Variants in SLC41A3 observed in about 807,000 individuals in gnomAD.
SLC41A3 encodes solute carrier family 41 member 3.
Under a neutral mutation model 45.4 loss-of-function variants are expected in SLC41A3, and 44 were observed. The observed-to-expected ratio is 0.97, with a 90% CI of 0.76 to 1.25. SLC41A3 has a LOEUF of 1.25. SLC41A3 is among the 50% of genes most tolerant of loss of function. The pLI, the probability that SLC41A3 is intolerant of heterozygous loss-of-function variation, is 0.00. For missense variants in SLC41A3, 550 were observed against 600.6 expected (o/e 0.92, Z 0.88); for synonymous variants, 256 against 252.4 (o/e 1.01, Z -0.13).
chr3:126,100,911 T>C (rs575408725), intron 1 of SLC41A3, among the ~76,000 whole-genome samples: 13 of 152,374 alleles, frequency 8.5e-5, no homozygotes, highest in African/African-American at 2.6e-4. Context: ...TTGTTTATTA[T>C]ACTTCTAAAC....
chr3:126,058,604 C>G (rs1391593238), intron 2 of SLC41A3, among the ~76,000 whole-genome samples: 1 of 152,202 alleles, frequency 6.6e-6, no homozygotes, highest in African/African-American at 2.4e-5. Flanking sequence ...TTCACCACGG[C>G]CCTTTGTCCC....
At chr3:126,013,832 A>G (rs1939977087) in intron 8 of SLC41A3, among the ~76,000 whole-genome samples, 1 of 152,198 alleles carries the variant, frequency 6.6e-6, no homozygotes, top group Non-Finnish European at 1.5e-5. Flanking sequence ...TAGGGGAAAC[A>G]GGACGAGCGG....
At chr3:126,067,339 T>A (rs1467194772) in intron 2 of SLC41A3, 1 of 158,144 alleles carries the variant, frequency 6.3e-6, no homozygotes, top group Non-Finnish European at 1.4e-5. Context: ...TAACACCCAG[T>A]ACCTCAGAAT....
At position 126,060,439 on chromosome 3, in the gene SLC41A3, T is replaced by TACAC. The variant is rs60317078; in HGVS notation, c.273+7504_273+7507dup. Among the ~76,000 whole-genome samples, 10 of 146,322 alleles carry TACAC rather than the reference T, an allele frequency of 6.8e-5. No individual in the cohort carries two copies. In the South Asian group the frequency reaches 1.1e-3, roughly 16 times the overall value. ...TGTCTCAAAAAAAAAGTGAGAAGGA[T>TACAC]ACACACACACACACACACACACGTG... On this transcript the variant is annotated intron_variant, in intron 2 of 10. Coordinates refer to ENST00000360370, the MANE Select transcript of SLC41A3 (RefSeq NM_017836.4).
At chr3:126,022,034 G>A (rs1044580851) in intron 6 of SLC41A3, among the ~76,000 whole-genome samples, 2 of 152,214 alleles carry the variant, frequency 1.3e-5, no homozygotes, top group Non-Finnish European at 2.9e-5. Flanking sequence ...CGTGACTGAA[G>A]CAAACAACAC....
In SLC41A3 at chr3:126,068,252, G is replaced by A. The variant is rs1466455609; in HGVS notation, c.-27-6C>T. The A allele has an allele frequency of 6.7e-7, 1 of 1,487,838 alleles. No individual in the cohort carries two copies. The highest frequency in any genetic ancestry group is 8.9e-7 in the Non-Finnish European group (1 of 1,120,420). The allele number at this position is 1,487,838 out of a possible 1,614,324, so 92.2% of individuals were successfully genotyped here. A position where few individuals can be genotyped will look rare whatever the true frequency, so the allele number is the denominator to read the frequency against. The stretch of plus-strand genomic sequence containing the variant: ...CAGCTGGGCGCCTGGCAGCCCTACA[G>A]TGGGAGACACAAAGTTGTAGGGCCA... On this transcript the variant is annotated splice_polypyrimidine_tract_variant and splice_region_variant and intron_variant, in intron 1 of 10. Coordinates refer to ENST00000360370, the MANE Select transcript of SLC41A3 (RefSeq NM_017836.4).
chr3:126,031,270 T>C (rs1576261819), intron 4 of SLC41A3, among the ~76,000 whole-genome samples: 2 of 152,334 alleles, frequency 1.3e-5, no homozygotes, highest in Admixed American at 6.5e-5. Context: ...AGAAATAAAA[T>C]AATTTTTAGT....
intron 1 of SLC41A3, among the ~76,000 whole-genome samples, chr3:126,093,555 C>T (rs981183470): frequency 9.2e-5 from 14 of 152,326 alleles, no homozygotes; most frequent in Admixed American, 2.0e-4. Flanking sequence ...GTCTGTGGAC[C>T]CTTGCCATCA....
chr3:126,050,786 G>T, intron 3 of SLC41A3, 157 bp downstream of exon 3: 1 of 1,287,682 alleles, frequency 7.8e-7, no homozygotes, highest in South Asian at 2.1e-5. Flanking sequence ...ATTGGGCTGG[G>T]AGAGGGACAA....
chr3:126,056,238 G>T, intron 2 of SLC41A3: 1 of 1,314,568 alleles, frequency 7.6e-7, no homozygotes, highest in Admixed American at 2.2e-5. Flanking sequence ...GCAAGGGCAG[G>T]TTGAGGGCTG....
At position 126,097,737 on chromosome 3, in the gene SLC41A3, C is replaced by T. The variant is rs377718151; in HGVS notation, c.-79+3692G>A. On this transcript the variant is annotated intron_variant, in intron 1 of 9. Coordinates refer to the SLC41A3 transcript ENST00000508835. The stretch of plus-strand genomic sequence containing the variant: ...TAAACTGGCAAAGTAAAATGACAAA[C>T]AGCAACCAGCAGCTGGCCTCAGTCA... Among the ~76,000 whole-genome samples the T allele has an allele frequency of 1.1e-3, 160 of 152,246 alleles. 1 individual carries two copies. The Middle Eastern group carries it at 0.02, about 19-fold the overall frequency.
At chr3:126,034,350 A>G (rs1329282284) in intron 3 of SLC41A3, among the ~76,000 whole-genome samples, 1 of 152,286 alleles carries the variant, frequency 6.6e-6, no homozygotes, top group Non-Finnish European at 1.5e-5. Context: ...AATTCAAGAC[A>G]TAAATCAGAA....
chr3:126,035,498 C>T (rs1184087991), intron 3 of SLC41A3, among the ~76,000 whole-genome samples: 1 of 152,190 alleles, frequency 6.6e-6, no homozygotes, highest in Non-Finnish European at 1.5e-5. Context: ...TCAAAAACAG[C>T]AGAGGACCTC....
intron 3 of SLC41A3, among the ~76,000 whole-genome samples, chr3:126,036,657 C>G (rs1364350481): frequency 1.4e-5 from 2 of 142,388 alleles, no homozygotes; most frequent in Non-Finnish European, 3.2e-5. Context: ...ACTCCGCTCA[C>G]TGCCCACCTG....
chr3:126,051,712 G>C (rs1943349131), intron 2 of SLC41A3, among the ~76,000 whole-genome samples: 2 of 152,306 alleles, frequency 1.3e-5, no homozygotes, highest in Middle Eastern at 3.4e-3. Flanking sequence ...TGTGCAATTA[G>C]ATGTTCCCCT....
intron 3 of SLC41A3, among the ~76,000 whole-genome samples, chr3:126,037,139 ACT>A (rs1467985701): frequency 9.2e-5 from 14 of 152,020 alleles, no homozygotes; most frequent in African/African-American, 3.1e-4. Context: ...GTGAATTCTC[ACT>A]CTGAGTTCAC....
upstream of SLC41A3, among the ~76,000 whole-genome samples, chr3:126,084,853 T>C (rs1212817390): frequency 6.6e-6 from 1 of 152,212 alleles, no homozygotes; most frequent in African/African-American, 2.4e-5. Context: ...ACTTTTAGAA[T>C]TTAACCTGAA....
At chr3:126,051,645 GA>G (rs1302258697) in intron 2 of SLC41A3, among the ~76,000 whole-genome samples, 16 of 152,192 alleles carry the variant, frequency 1.1e-4, no homozygotes, top group African/African-American at 3.9e-4. Flanking sequence ...ATGCTTCAAG[GA>G]AAATGGAAGA....
intron 1 of SLC41A3, among the ~76,000 whole-genome samples, chr3:126,071,734 A>C (rs1297171969): frequency 6.6e-6 from 1 of 151,990 alleles, no homozygotes; most frequent in Non-Finnish European, 1.5e-5. Context: ...TAACAGAAGG[A>C]CATTTAGGAA....
Sources: allele counts gnomAD v4.1 joint callset (sites outside exome capture counted in the v4.1 genomes callset), GRCh38; gene constraint gnomAD v4.1.1; transcripts MANE v1.5; gene names NCBI Gene and HGNC (gene_info 2026-07-23, HGNC 2026-07-21).